The following WWOX variants were observed in gnomAD, a reference collection of about 807,000 sequenced individuals.
WWOX encodes WW domain containing oxidoreductase.
In WWOX, 69 loss-of-function variants were observed where a neutral mutation model predicts 46.2. That is an observed-to-expected ratio of 1.49 (90% confidence interval 1.23 to 1.82). WWOX has a LOEUF of 1.82. Ranked by LOEUF, WWOX falls within the 40% of genes most tolerant of loss-of-function variation. The pLI, the probability that WWOX is intolerant of heterozygous loss-of-function variation, is 0.00. For synonymous variants in WWOX, 359 were observed against 202.6 expected, an observed-to-expected ratio of 1.77 and a Z score of -6.56; for missense variants, 919 against 542.6, an observed-to-expected ratio of 1.69 and a Z score of -6.89.
chr16:78,373,810 G>C (rs2081753485), intron 5 of WWOX, among the ~76,000 whole-genome samples: 1 of 151,972 alleles, frequency 6.6e-6, no homozygotes, highest in Admixed American at 6.6e-5. Context: ...TATTTTTTGA[G>C]ACAGAGTCTC....
At chr16:78,789,996 A>G (rs1472690017) in intron 8 of WWOX, among the ~76,000 whole-genome samples, 7 of 152,218 alleles carry the variant, frequency 4.6e-5, no homozygotes, top group Non-Finnish European at 1.0e-4. Context: ...AATGCTAACA[A>G]TAGTTGTTCT....
At chr16:79,061,547 G>C (rs971338233) in intron 8 of WWOX, among the ~76,000 whole-genome samples, 6 of 152,192 alleles carry the variant, frequency 3.9e-5, no homozygotes, top group Non-Finnish European at 7.3e-5. Flanking sequence ...TTCTGGACGA[G>C]AGTTAGTTTA....
intron 8 of WWOX, among the ~76,000 whole-genome samples, chr16:78,758,423 G>A (rs2049710849): frequency 6.6e-6 from 1 of 152,128 alleles, no homozygotes; most frequent in Non-Finnish European, 1.5e-5. Context: ...TTTAATGCAG[G>A]GTCCAGGAGC....
chr16:78,898,599 C>G (rs909584482), intron 8 of WWOX: 1 of 152,062 alleles, frequency 6.6e-6, no homozygotes, highest in South Asian at 2.1e-4. Flanking sequence ...AGTTTAGATA[C>G]TTTCCTTTTA....
intron 8 of WWOX, among the ~76,000 whole-genome samples, chr16:78,915,948 G>T (rs1404615136): frequency 6.6e-6 from 1 of 152,126 alleles, no homozygotes; most frequent in Admixed American, 6.5e-5. Flanking sequence ...CTCAATCAAT[G>T]CCCAGAAATG....
At chr16:78,697,354 A>C (rs991842911) in intron 8 of WWOX, among the ~76,000 whole-genome samples, 1 of 152,212 alleles carries the variant, frequency 6.6e-6, no homozygotes, top group East Asian at 1.9e-4. Context: ...GGTAATGGCC[A>C]TTCTTGCAGG....
At chr16:78,332,382 C>T (rs574231437) in intron 5 of WWOX, among the ~76,000 whole-genome samples, 2 of 152,154 alleles carry the variant, frequency 1.3e-5, no homozygotes, top group Non-Finnish European at 2.9e-5. Flanking sequence ...TGGGTATTTC[C>T]TCTGTGCAAT....
chr16:78,108,713 T>C (rs773770817), intron 2 of WWOX, among the ~76,000 whole-genome samples: 27 of 152,206 alleles, frequency 1.8e-4, no homozygotes, highest in Admixed American at 6.5e-5. Context: ...AATGGCCAGA[T>C]GTGGTGGCTC....
chr16:78,832,196 G>A lies in WWOX; in HGVS notation c.1057-379412G>A, dbSNP rs551958154. Among the ~76,000 whole-genome samples, 33 of 152,208 alleles carry A rather than the reference G, an allele frequency of 2.2e-4. No homozygotes were observed. The South Asian group carries it at 4.2e-3, about 19-fold the overall frequency. On this transcript the variant is annotated intron_variant, in intron 8 of 8. Coordinates refer to ENST00000566780, the MANE Select transcript of WWOX (RefSeq NM_016373.4). ...AATCCTTGACTGAAGGGGAGGTTTC[G>A]TGTCCAAGGGGCTCACTGATGTGGC...
Position 79,037,800 on chromosome 16 carries a change from C to T in WWOX, c.1057-173808C>T, listed in dbSNP as rs542582844. On this transcript the variant is annotated intron_variant, in intron 8 of 8. Transcript: ENST00000566780. The stretch of plus-strand genomic sequence containing the variant: ...ACAAGGTCATCTAGACATTTTTATC[C>T]CCAAGGTCAGGAGATCTTTCTGCCA... Among the ~76,000 whole-genome samples the T allele has an allele frequency of 3.9e-5, 6 of 151,944 alleles. No individual in the cohort carries two copies. The South Asian group carries it at 8.4e-4, about 21-fold the overall frequency.
chr16:78,483,708 A>G (rs1203152707), intron 8 of WWOX, among the ~76,000 whole-genome samples: 1 of 152,086 alleles, frequency 6.6e-6, no homozygotes, highest in Non-Finnish European at 1.5e-5. Context: ...ATCTCACAAG[A>G]TACTAATTCT....
At chr16:78,741,102 A>C (rs1471795638) in intron 8 of WWOX, among the ~76,000 whole-genome samples, 1 of 152,178 alleles carries the variant, frequency 6.6e-6, no homozygotes, top group Non-Finnish European at 1.5e-5. Flanking sequence ...AAACACAGTC[A>C]TGCCTGTTAG....
At chr16:78,604,058 C>T (rs1359186610) in intron 8 of WWOX, among the ~76,000 whole-genome samples, 3 of 152,222 alleles carry the variant, frequency 2.0e-5, no homozygotes, top group East Asian at 1.9e-4. Context: ...GCGGTAGGAT[C>T]GCTTGAGCCC....
intron 8 of WWOX, among the ~76,000 whole-genome samples, chr16:79,110,078 C>T (rs1287739324): frequency 6.6e-6 from 1 of 152,168 alleles, no homozygotes; most frequent in Non-Finnish European, 1.5e-5. Flanking sequence ...ATTGGGCTTT[C>T]AGACTTTCGC....
At chr16:78,277,871 T>C (rs1309226134) in intron 5 of WWOX, among the ~76,000 whole-genome samples, 3 of 152,174 alleles carry the variant, frequency 2.0e-5, no homozygotes, top group East Asian at 3.9e-4. Context: ...TCCAAAATAT[T>C]ACGAATCATA....
intron 8 of WWOX, among the ~76,000 whole-genome samples, chr16:78,586,924 C>T (rs2045222175): frequency 6.6e-6 from 1 of 152,148 alleles, no homozygotes; most frequent in African/African-American, 2.4e-5. Flanking sequence ...TCCCTTCTCC[C>T]ACTTTTCTTA....
At chr16:78,616,030 G>A (rs540997321) in intron 8 of WWOX, among the ~76,000 whole-genome samples, 5 of 152,208 alleles carry the variant, frequency 3.3e-5, no homozygotes, top group South Asian at 2.1e-4. Context: ...GATTACAGGC[G>A]TGAACTACTG....
At chr16:78,639,118 T>G (rs921659414) in intron 8 of WWOX, among the ~76,000 whole-genome samples, 5 of 152,164 alleles carry the variant, frequency 3.3e-5, no homozygotes, top group Admixed American at 2.6e-4. Context: ...ACTTGGACAT[T>G]TATTGTTCTT....
chr16:78,385,845 T>C (rs2082049044), intron 5 of WWOX, among the ~76,000 whole-genome samples: 1 of 152,210 alleles, frequency 6.6e-6, no homozygotes, highest in Non-Finnish European at 1.5e-5. Flanking sequence ...TCTTGGGTTT[T>C]TTGTCCTTTC....
Sources: allele counts gnomAD v4.1 joint callset (sites outside exome capture counted in the v4.1 genomes callset), GRCh38; gene constraint gnomAD v4.1.1; transcripts MANE v1.5; gene names NCBI Gene and HGNC (gene_info 2026-07-23, HGNC 2026-07-21).